NAA60: variants seen among roughly 807,000 people sequenced by gnomAD.
NAA60 encodes N-alpha-acetyltransferase 60.
Under a neutral mutation model 26.1 loss-of-function variants are expected in NAA60, and 8 were observed. The observed-to-expected ratio is 0.31, with a 90% CI of 0.18 to 0.55. The LOEUF (loss-of-function observed/expected upper bound fraction) is 0.55. NAA60 is among the 20% of genes least tolerant of loss of function. The pLI, the probability that NAA60 is intolerant of heterozygous loss-of-function variation, is 0.93. For synonymous variants in NAA60, 131 were observed against 122.5 expected, an observed-to-expected ratio of 1.07 and a Z score of -0.46; for missense variants, 290 against 311.3, an observed-to-expected ratio of 0.93 and a Z score of 0.51.
At chr16:3,472,289 A>C (rs564232887) in intron 2 of NAA60, 6 of 152,346 alleles carry the variant, frequency 3.9e-5, no homozygotes, top group Middle Eastern at 3.4e-3. Context: ...GCTGCTTTCC[A>C]GAGCTCTCAG....
chr16:3,448,491 G>A lies in NAA60; in HGVS notation c.-56G>A. On this transcript the variant is annotated 5_prime_UTR_variant, in exon 2 of 8. An upstream open reading frame in the 5' UTR gains an earlier in-frame stop. Coordinates refer to ENST00000407558, the MANE Select transcript of NAA60 (RefSeq NM_001083601.3). Reference sequence around the variant, plus strand: ...TGCAGCATACAGAAAGGCTGTACCTGGAGGAAGGAAGTGCGGAGCCAGCCT... The same window carrying A: ...TGCAGCATACAGAAAGGCTGTACCTAGAGGAAGGAAGTGCGGAGCCAGCCT... The A allele has an allele frequency of 2.0e-6, 3 of 1,535,582 alleles. No homozygotes were observed. Among genetic ancestry groups the A allele is most frequent in the Non-Finnish European group, 2.6e-6 (3 of 1,146,872 alleles).
At chr16:3,479,888 C>A (rs1026144116) in intron 4 of NAA60, among the ~76,000 whole-genome samples, 3 of 152,172 alleles carry the variant, frequency 2.0e-5, no homozygotes, top group Admixed American at 1.3e-4. Flanking sequence ...TCTGCAGTTA[C>A]AACGTGCTAT....
At chr16:3,466,560 G>A (rs2035775785) in intron 2 of NAA60, among the ~76,000 whole-genome samples, 1 of 152,144 alleles carries the variant, frequency 6.6e-6, no homozygotes, top group South Asian at 2.1e-4. Context: ...TTTCTCCCCT[G>A]TTCCCCAAAG....
At chr16:3,472,674 C>A (rs1449909398) in intron 2 of NAA60, among the ~76,000 whole-genome samples, 1 of 152,188 alleles carries the variant, frequency 6.6e-6, no homozygotes, top group Non-Finnish European at 1.5e-5. Context: ...ACCTCATGAT[C>A]GGCCTGCCTT....
chr16:3,459,770 G>A (rs2035255865), intron 2 of NAA60, among the ~76,000 whole-genome samples: 1 of 152,206 alleles, frequency 6.6e-6, no homozygotes, highest in South Asian at 2.1e-4. Flanking sequence ...TAAAAGGTCT[G>A]TGTCCGTCCT....
intron 2 of NAA60, among the ~76,000 whole-genome samples, chr16:3,463,308 G>A (rs2035529969): frequency 6.6e-6 from 1 of 151,906 alleles, no homozygotes; most frequent in Admixed American, 6.6e-5. Context: ...AGCACTTTGG[G>A]AGGCCGAGGT....
At chr16:3,470,223 C>G (rs189531573) in intron 2 of NAA60, among the ~76,000 whole-genome samples, 1 of 152,278 alleles carries the variant, frequency 6.6e-6, no homozygotes, top group East Asian at 1.9e-4. Context: ...GTGACCCTGC[C>G]CCACAGTGCC....
chr16:3,475,540 G>A (rs1744981165), intron 2 of NAA60, among the ~76,000 whole-genome samples: 1 of 152,056 alleles, frequency 6.6e-6, no homozygotes, highest in East Asian at 1.9e-4. Flanking sequence ...TAAAACAGGG[G>A]GGCTGCTCCT....
chr16:3,479,408 A>C (rs1374261501), intron 3 of NAA60, 63 bp from the exon 4 acceptor site: 3 of 1,580,904 alleles, frequency 1.9e-6, no homozygotes, highest in Non-Finnish European at 8.6e-7. Context: ...TCTGATGTCT[A>C]GAGCACGACC....
chr16:3,477,129 C>T (rs562105885), intron 3 of NAA60, among the ~76,000 whole-genome samples: 1 of 151,782 alleles, frequency 6.6e-6, no homozygotes, highest in African/African-American at 2.4e-5. Context: ...AAAACATGTA[C>T]AAGATAAAAT....
intron 4 of NAA60, among the ~76,000 whole-genome samples, chr16:3,481,648 C>A (rs1031295798): frequency 1.3e-5 from 2 of 152,234 alleles, no homozygotes; most frequent in Non-Finnish European, 2.9e-5. Flanking sequence ...TGGCCCCTTC[C>A]TCTCAGGCTT....
At chr16:3,470,935 C>T (rs1211878362) in intron 2 of NAA60, among the ~76,000 whole-genome samples, 1 of 152,170 alleles carries the variant, frequency 6.6e-6, no homozygotes, top group Non-Finnish European at 1.5e-5. Context: ...ATGCATGCTG[C>T]ATTTGGCCCT....
intron 3 of NAA60, among the ~76,000 whole-genome samples, chr16:3,476,871 G>A (rs1220553780): frequency 1.3e-5 from 2 of 151,848 alleles, no homozygotes; most frequent in African/African-American, 4.8e-5. Flanking sequence ...GAGAAACCCC[G>A]TCTCTACTAA....
chr16:3,451,511 T>C (rs1354430663), intron 2 of NAA60, among the ~76,000 whole-genome samples: 1 of 152,180 alleles, frequency 6.6e-6, no homozygotes, highest in Non-Finnish European at 1.5e-5. Context: ...TCTGTAACAC[T>C]CATTATAAAA....
In NAA60 at chr16:3,465,191, C is replaced by T. The variant is rs150498355; in HGVS notation, c.-6-11031C>T. On this transcript the variant is annotated intron_variant, in intron 2 of 7. Transcript: ENST00000407558. ...CTGAGACAGGAGAATGGCGTGAACCCGGGAGGCGGAGCTTGCAGTGAGCCG... is the reference window on the plus strand; with the variant it reads ...CTGAGACAGGAGAATGGCGTGAACCTGGGAGGCGGAGCTTGCAGTGAGCCG... Among the ~76,000 whole-genome samples, 469 of 150,488 alleles carry T rather than the reference C, an allele frequency of 3.1e-3. 4 individuals are homozygous for T. The highest frequency in any genetic ancestry group is 0.011 in the African/African-American group (437 of 40,902).
At chr16:3,471,496 T>C (rs1041306019) in intron 2 of NAA60, among the ~76,000 whole-genome samples, 3 of 151,960 alleles carry the variant, frequency 2.0e-5, no homozygotes, top group Non-Finnish European at 2.9e-5. Flanking sequence ...AGAGCAAGAC[T>C]CCATCTCAAA....
At chr16:3,479,121 T>A (rs893227355) in intron 3 of NAA60, among the ~76,000 whole-genome samples, 2 of 151,868 alleles carry the variant, frequency 1.3e-5, no homozygotes, top group Admixed American at 6.6e-5. Flanking sequence ...ATACCTGTAA[T>A]CCCAGCTACT....
chr16:3,458,191 C>CG (rs943832807), intron 2 of NAA60: 350 of 980,256 alleles, frequency 3.6e-4, no homozygotes, highest in Non-Finnish European at 4.1e-4. Flanking sequence ...GGTGAGGTGG[C>CG]GGGGGGCGGC....
intron 2 of NAA60, among the ~76,000 whole-genome samples, chr16:3,453,227 T>A (rs2150950561): frequency 6.6e-6 from 1 of 152,140 alleles, no homozygotes; most frequent in East Asian, 1.9e-4. Context: ...TGAAACCCTG[T>A]CTCTACTAAA....
Sources: allele counts gnomAD v4.1 joint callset (sites outside exome capture counted in the v4.1 genomes callset), GRCh38; gene constraint gnomAD v4.1.1; transcripts MANE v1.5; gene names NCBI Gene and HGNC (gene_info 2026-07-23, HGNC 2026-07-21).